MAGT1: variants seen among roughly 807,000 people sequenced by gnomAD.
The protein encoded by MAGT1 is magnesium transporter 1.
Under a neutral mutation model 28.4 loss-of-function variants are expected in MAGT1, and 4 were observed. The ratio of observed to expected loss-of-function variants is 0.14; its 90% CI spans 0.07 to 0.32. The LOEUF (loss-of-function observed/expected upper bound fraction) is 0.32, where lower values mean the gene tolerates loss of function less well. MAGT1 is among the 10% of genes least tolerant of loss of function. MAGT1 has a pLI of 1.00. For synonymous variants in MAGT1, 89 were observed against 89.7 expected (o/e 0.99, Z 0.04); for missense variants, 193 against 264.5 (o/e 0.73, Z 1.88).
chrX:77,840,104 T>C lies in MAGT1; in HGVS notation c.901+1142A>G, dbSNP rs782046949. ...GGAATCTACCTTAAGGAAACAATAT[T>C]AAATAAGAATGATGGCTGGGCGTGG... On this transcript the variant is annotated intron_variant, in intron 8 of 9. Transcript: ENST00000618282. 6.3e-4 allele frequency among the ~76,000 whole-genome samples: 69 copies of C among 109,315 alleles called. 1 individual carries two copies. Among genetic ancestry groups the C allele is most frequent in the Admixed American group, 2.3e-3 (23 of 10,097 alleles). The allele number at this position is 109,315 out of a possible 115,157, so 94.9% of individuals were successfully genotyped here.
At chrX:77,832,493 T>C (rs1256712997) in intron 8 of MAGT1, among the ~76,000 whole-genome samples, 3 of 111,336 alleles carry the variant, frequency 2.7e-5, no homozygotes, top group Non-Finnish European at 5.7e-5. Flanking sequence ...GCCCACAGAC[T>C]GGACAAGTTT....
At chrX:77,891,217 G>T (rs1384850434) in intron 1 of MAGT1, among the ~76,000 whole-genome samples, 1 of 110,870 alleles carries the variant, frequency 9.0e-6, no homozygotes, top group Non-Finnish European at 1.9e-5. Context: ...ATAGGCTTTG[G>T]AACTAGACAG....
At chrX:77,837,270 C>G (rs782115284) in intron 8 of MAGT1, 93 of 111,059 alleles carry the variant, frequency 8.4e-4, no homozygotes, top group African/African-American at 3.0e-3. Flanking sequence ...CATATACTGA[C>G]TGGATTAAAA....
intron 3 of MAGT1, among the ~76,000 whole-genome samples, chrX:77,866,352 T>C (rs782462555): frequency 3.0e-5 from 2 of 66,224 alleles, no homozygotes; most frequent in Admixed American, 2.1e-4. Context: ...AGAGCCCCCA[T>C]TGGAAAGTAT....
rs375697070 is a variant in MAGT1, at chrX:77,866,114, G to A, written c.390+4694C>T. 4.9e-4 allele frequency among the ~76,000 whole-genome samples: 31 copies of A among 63,598 alleles called. 5 individuals are homozygous for A. Among genetic ancestry groups the A allele is most frequent in the African/African-American group, 9.8e-4 (27 of 27,485 alleles). 55.2% of individuals were successfully genotyped at this position (63,598 alleles called of 115,157 possible). ...GGCAGTGAGCCGAGATCACGCCACCGCACTCCAGCCTGGGTGACAGCAAGA... is the reference window on the plus strand; with the variant it reads ...GGCAGTGAGCCGAGATCACGCCACCACACTCCAGCCTGGGTGACAGCAAGA... On this transcript the variant is annotated intron_variant, in intron 3 of 9. Transcript: ENST00000618282.
chrX:77,834,288 G>A (rs2076909497), intron 8 of MAGT1, among the ~76,000 whole-genome samples: 1 of 92,070 alleles, frequency 1.1e-5, no homozygotes, highest in Non-Finnish European at 2.1e-5. Context: ...GTATATATAT[G>A]CATATATATA....
intron 3 of MAGT1, among the ~76,000 whole-genome samples, chrX:77,863,038 G>A (rs1237688525): frequency 3.7e-5 from 4 of 109,553 alleles, no homozygotes; most frequent in Non-Finnish European, 7.6e-5. Context: ...GTGGTGATGT[G>A]CGCCTGTAAT....
chrX:77,833,210 C>T (rs1042191869), intron 8 of MAGT1, among the ~76,000 whole-genome samples: 2 of 111,979 alleles, frequency 1.8e-5, no homozygotes, highest in Non-Finnish European at 3.8e-5. Context: ...AACAACTGTT[C>T]GAGAATGGTG....
At chrX:77,832,338 C>T (rs150208820) in intron 8 of MAGT1, among the ~76,000 whole-genome samples, 2,606 of 109,626 alleles carry the variant, frequency 0.024, 76 homozygotes, top group African/African-American at 0.082. Flanking sequence ...TTCCCAGGGC[C>T]GTACTGGAAG....
chrX:77,889,321 ATAG>A (rs781964285), intron 1 of MAGT1, among the ~76,000 whole-genome samples: 2 of 101,314 alleles, frequency 2.0e-5, no homozygotes, highest in East Asian at 6.1e-4. Context: ...TTGTGGGTAC[ATAG>A]TAGGTGTGTG....
intron 2 of MAGT1, among the ~76,000 whole-genome samples, chrX:77,871,667 C>T (rs1343045995): frequency 9.0e-6 from 1 of 111,141 alleles, no homozygotes; most frequent in Non-Finnish European, 1.9e-5. Context: ...TATGGTGAAA[C>T]CCTATCTCTA....
At chrX:77,886,960 C>T (rs1482390940) in intron 1 of MAGT1, among the ~76,000 whole-genome samples, 8 of 112,078 alleles carry the variant, frequency 7.1e-5, no homozygotes, top group Middle Eastern at 4.2e-3. Flanking sequence ...CCTCCTGGAA[C>T]GGTTGAAGAA....
intron 3 of MAGT1, among the ~76,000 whole-genome samples, chrX:77,870,288 C>T (rs1182876172): frequency 9.0e-6 from 1 of 110,713 alleles, no homozygotes; most frequent in African/African-American, 3.3e-5. Context: ...TTAAAGACTA[C>T]GTATTTGGGT....
chrX:77,874,256 C>G (rs2077027201), intron 2 of MAGT1, among the ~76,000 whole-genome samples: 1 of 104,708 alleles, frequency 9.6e-6, no homozygotes, highest in Admixed American at 1.0e-4. Context: ...GTGCTGAGAT[C>G]ACAGACATGA....
intron 2 of MAGT1, among the ~76,000 whole-genome samples, chrX:77,871,640 G>A (rs1212452108): frequency 2.7e-5 from 3 of 111,316 alleles, no homozygotes; most frequent in Non-Finnish European, 5.7e-5. Flanking sequence ...TCAGGAGTTC[G>A]AGACCAGCCT....
At chrX:77,892,677 G>C (rs1258866805) in intron 1 of MAGT1, among the ~76,000 whole-genome samples, 1 of 110,799 alleles carries the variant, frequency 9.0e-6, no homozygotes, top group Non-Finnish European at 1.9e-5. Flanking sequence ...CATGCCTGTA[G>C]TCCCAGCTGG....
chrX:77,893,789 C>T (rs189767339), intron 1 of MAGT1, among the ~76,000 whole-genome samples: 1 of 110,027 alleles, frequency 9.1e-6, no homozygotes, highest in African/African-American at 3.3e-5. Context: ...CCTAGATATT[C>T]GGGAGGTGGA....
At chrX:77,876,164 A>ATTTTT (rs1163646892) in intron 1 of MAGT1, among the ~76,000 whole-genome samples, 4 of 24,969 alleles carry the variant, frequency 1.6e-4, no homozygotes, top group Non-Finnish European at 2.0e-4. Flanking sequence ...ATATATATAT[A>ATTTTT]TTTTTTTTTT....
Position 77,829,207 on chromosome X carries a change from C to T in MAGT1, c.*13G>A, listed in dbSNP as rs782341683. ...TTCCAGTACTCCAGTGTCTATATAT[C>T]TCTGGGACCTTTTTAACTCATCAGA... On this transcript the variant is annotated 3_prime_UTR_variant, in exon 10 of 10. Coordinates refer to ENST00000618282, the MANE Select transcript of MAGT1 (RefSeq NM_001367916.1). The T allele has an allele frequency of 2.5e-6, 3 of 1,196,832 alleles. No individual in the cohort carries two copies. The Admixed American group carries it at 6.5e-5, about 26-fold the overall frequency.
Sources: allele counts gnomAD v4.1 joint callset (sites outside exome capture counted in the v4.1 genomes callset), GRCh38; gene constraint gnomAD v4.1.1; transcripts MANE v1.5; gene names NCBI Gene and HGNC (gene_info 2026-07-23, HGNC 2026-07-21).